LDB2: variants seen among roughly 807,000 people sequenced by gnomAD.
LDB2 encodes the protein LIM domain binding 2.
Under a neutral mutation model 44.3 loss-of-function variants are expected in LDB2, and 12 were observed. The observed-to-expected ratio is 0.27, with a 90% CI of 0.17 to 0.44. LDB2 has a LOEUF of 0.44. LDB2 is among the 20% of genes least tolerant of loss of function. LDB2 has a pLI of 1.00. For synonymous variants in LDB2, 164 were observed against 174.8 expected (o/e 0.94, Z 0.49); for missense variants, 344 against 473.5 (o/e 0.73, Z 2.54).
intron 2 of LDB2, among the ~76,000 whole-genome samples, chr4:16,619,906 A>G (rs925767795): frequency 6.6e-6 from 1 of 152,150 alleles, no homozygotes; most frequent in African/African-American, 2.4e-5. Context: ...TAAAAAGAAT[A>G]AAATAAAGAT....
chr4:16,611,232 G>A (rs1455085125), intron 2 of LDB2, among the ~76,000 whole-genome samples: 1 of 152,060 alleles, frequency 6.6e-6, no homozygotes, highest in African/African-American at 2.4e-5. Context: ...ATATGGAAAG[G>A]AAAAACCAGT....
chr4:16,682,351 T>C (rs1486715726), intron 2 of LDB2, among the ~76,000 whole-genome samples: 1 of 152,230 alleles, frequency 6.6e-6, no homozygotes, highest in Non-Finnish European at 1.5e-5. Flanking sequence ...AGTACAATAA[T>C]GCCTGTAGGA....
chr4:16,519,592 C>T (rs1235032644), intron 5 of LDB2, among the ~76,000 whole-genome samples: 1 of 149,700 alleles, frequency 6.7e-6, no homozygotes, highest in Non-Finnish European at 1.5e-5. Context: ...GGTTTGAACC[C>T]AGATGAATCT....
chr4:16,624,587 T>A (rs150060733), intron 2 of LDB2, among the ~76,000 whole-genome samples: 5 of 152,324 alleles, frequency 3.3e-5, no homozygotes, highest in Admixed American at 1.3e-4. Flanking sequence ...GACTGAGGCT[T>A]AGACAGCTAA....
chr4:16,856,669 G>C, intron 1 of LDB2, among the ~76,000 whole-genome samples: 1 of 152,072 alleles, frequency 6.6e-6, no homozygotes, highest in Admixed American at 6.6e-5. Flanking sequence ...CTACCCTTAA[G>C]TACTTACTCT....
At chr4:16,541,396 G>T (rs1733719472) in intron 5 of LDB2, among the ~76,000 whole-genome samples, 1 of 152,104 alleles carries the variant, frequency 6.6e-6, no homozygotes. Context: ...GCTCCCTGAG[G>T]CCTCCTCAGA....
chr4:16,673,008 TTC>T (rs972481504), intron 2 of LDB2, among the ~76,000 whole-genome samples: 1 of 151,822 alleles, frequency 6.6e-6, no homozygotes, highest in African/African-American at 2.4e-5. Flanking sequence ...TCTTTCTTCT[TTC>T]TCTCTCGTTC....
intron 5 of LDB2, among the ~76,000 whole-genome samples, chr4:16,537,844 C>G (rs762114751): frequency 6.6e-6 from 1 of 152,124 alleles, no homozygotes; most frequent in African/African-American, 2.4e-5. Flanking sequence ...GCTCCGGTTC[C>G]GCTTAGATGC....
rs542132147 is a variant in LDB2 at position 16,653,408 on chromosome 4, C to T, written c.236-57533G>A. 2.6e-5 allele frequency among the ~76,000 whole-genome samples: 4 copies of T among 152,312 alleles called. No individual in the cohort carries two copies. The East Asian group carries it at 7.7e-4, about 29-fold the overall frequency. On this transcript the variant is annotated intron_variant, in intron 2 of 7. Transcript: ENST00000304523. Reference sequence around the variant, plus strand: ...GGTGATTTAAAAACAACGATGACAACAACAACAAAGCAACAACTAGGGATC... The same window carrying T: ...GGTGATTTAAAAACAACGATGACAATAACAACAAAGCAACAACTAGGGATC...
At chr4:16,870,504 C>G (rs1716202875) in intron 1 of LDB2, among the ~76,000 whole-genome samples, 1 of 152,054 alleles carries the variant, frequency 6.6e-6, no homozygotes, top group African/African-American at 2.4e-5. Context: ...GTCACCCCCA[C>G]TCCCCTTAAC....
intron 1 of LDB2, among the ~76,000 whole-genome samples, chr4:16,831,213 A>C (rs1372987087): frequency 1.4e-5 from 2 of 143,990 alleles, no homozygotes; most frequent in African/African-American, 5.2e-5. Flanking sequence ...TGCAAATATC[A>C]TAAGGGAAGA....
At chr4:16,542,391 T>C (rs1734153364) in intron 5 of LDB2, among the ~76,000 whole-genome samples, 1 of 152,126 alleles carries the variant, frequency 6.6e-6, no homozygotes, top group African/African-American at 2.4e-5. Context: ...GAAATGAGGA[T>C]AGCAGGTTTG....
At chr4:16,702,481 C>T (rs1232168421) in intron 2 of LDB2, among the ~76,000 whole-genome samples, 1 of 152,182 alleles carries the variant, frequency 6.6e-6, no homozygotes, top group Non-Finnish European at 1.5e-5. Flanking sequence ...GTCCCTCTCA[C>T]TCAATGTGCT....
At chr4:16,834,819 T>C (rs1784635576) in intron 1 of LDB2, among the ~76,000 whole-genome samples, 1 of 147,656 alleles carries the variant, frequency 6.8e-6, no homozygotes, top group Admixed American at 7.0e-5. Flanking sequence ...AGAGCAAGAT[T>C]CCATCTCAAA....
At chr4:16,539,861 A>G (rs908954050) in intron 5 of LDB2, among the ~76,000 whole-genome samples, 4 of 152,154 alleles carry the variant, frequency 2.6e-5, no homozygotes, top group Admixed American at 2.6e-4. Flanking sequence ...GGGTCATGTG[A>G]CTAATTCTGG....
intron 2 of LDB2, among the ~76,000 whole-genome samples, chr4:16,678,023 G>A (rs1746779600): frequency 6.6e-6 from 1 of 152,172 alleles, no homozygotes; most frequent in Non-Finnish European, 1.5e-5. Flanking sequence ...AGCGGTATTG[G>A]TGACTTCCAT....
At chr4:16,599,159 C>A (rs1721880601) in intron 2 of LDB2, among the ~76,000 whole-genome samples, 1 of 152,142 alleles carries the variant, frequency 6.6e-6, no homozygotes, top group Non-Finnish European at 1.5e-5. Flanking sequence ...GCCTACAACA[C>A]CACAAACTTA....
intron 2 of LDB2, among the ~76,000 whole-genome samples, chr4:16,739,895 G>A (rs975510958): frequency 2.0e-5 from 3 of 149,676 alleles, no homozygotes; most frequent in Admixed American, 6.7e-5. Flanking sequence ...ATAAAATAAA[G>A]GTACCAAGTA....
chr4:16,673,923 A>G (rs1578674975), intron 2 of LDB2, among the ~76,000 whole-genome samples: 1 of 152,210 alleles, frequency 6.6e-6, no homozygotes, highest in Non-Finnish European at 1.5e-5. Context: ...TTTCTTCTCC[A>G]CTATCAAAAG....
Sources: allele counts gnomAD v4.1 joint callset (sites outside exome capture counted in the v4.1 genomes callset), GRCh38; gene constraint gnomAD v4.1.1; transcripts MANE v1.5; gene names NCBI Gene and HGNC (gene_info 2026-07-23, HGNC 2026-07-21).